TLL1: variants seen among roughly 807,000 people sequenced by gnomAD.
The protein encoded by TLL1 is tolloid like 1.
In TLL1, 49 loss-of-function variants were observed where a neutral mutation model predicts 128.2. The observed-to-expected ratio is 0.38, with a 90% CI of 0.30 to 0.48. The LOEUF (loss-of-function observed/expected upper bound fraction) is 0.48, where lower values mean the gene tolerates loss of function less well. Ranked by LOEUF, TLL1 falls within the 20% of genes least tolerant of loss-of-function variation. The pLI is 0.96. For synonymous variants in TLL1, 454 were observed against 418.8 expected (o/e 1.08, Z -1.03); for missense variants, 1,123 against 1,242.0 (o/e 0.90, Z 1.44).
intron 1 of TLL1, among the ~76,000 whole-genome samples, chr4:165,963,460 C>A (rs1476998023): frequency 6.6e-6 from 1 of 151,740 alleles, no homozygotes; most frequent in Non-Finnish European, 1.5e-5. Context: ...ATTTTCAGTA[C>A]TTTATGCTTT....
At chr4:165,942,642 T>C (rs1425755038) in intron 1 of TLL1, among the ~76,000 whole-genome samples, 1 of 149,686 alleles carries the variant, frequency 6.7e-6, no homozygotes, top group Non-Finnish European at 1.5e-5. Flanking sequence ...ATATATTAAT[T>C]ATAAGCTGTG....
At chr4:166,063,126 A>G (rs1481721684) in intron 15 of TLL1, among the ~76,000 whole-genome samples, 1 of 151,970 alleles carries the variant, frequency 6.6e-6, no homozygotes, top group African/African-American at 2.4e-5. Context: ...TCTACAAAGA[A>G]CTTAAACAAA....
chr4:165,924,264 A>T (rs1733173237), intron 1 of TLL1, among the ~76,000 whole-genome samples: 1 of 152,208 alleles, frequency 6.6e-6, no homozygotes, highest in African/African-American at 2.4e-5. Context: ...GCCAAGAGCG[A>T]GGCTTCTTGG....
chr4:166,056,589 T>C (rs977382629), intron 13 of TLL1, among the ~76,000 whole-genome samples: 1 of 152,186 alleles, frequency 6.6e-6, no homozygotes, highest in Admixed American at 6.5e-5. Flanking sequence ...TATTTCTTAA[T>C]AATGATATTT....
rs950507238 is a variant in TLL1, at chr4:165,995,186, G to C, written c.632+8G>C. 4 of 1,579,262 alleles carry C rather than the reference G, an allele frequency of 2.5e-6. No individual in the cohort carries two copies. The African/African-American group carries it at 5.4e-5, about 21-fold the overall frequency. Reference sequence around the variant, plus strand: ...CACCTATAGGCCTTGTGGGTAAGTAGAACTAGGTAGGGACTGACTTAAGGA... The same window carrying C: ...CACCTATAGGCCTTGTGGGTAAGTACAACTAGGTAGGGACTGACTTAAGGA... On this transcript the variant is annotated splice_region_variant and intron_variant, in intron 5 of 20. Transcript: ENST00000061240.
chr4:166,020,859 T>C (rs1191793504), intron 8 of TLL1, among the ~76,000 whole-genome samples: 2 of 152,242 alleles, frequency 1.3e-5, no homozygotes, highest in Non-Finnish European at 2.9e-5. Context: ...GAATCTCTAT[T>C]GTTATGTAAA....
Position 165,925,069 on chromosome 4 carries a change from C to T in TLL1, c.169+50996C>T, listed in dbSNP as rs1561031958. Reference sequence around the variant, plus strand: ...CAATGTAGCTTGTCACTCAAGAGTTCCAAAAGAAATGTCCATGGAGATTAA... The same window carrying T: ...CAATGTAGCTTGTCACTCAAGAGTTTCAAAAGAAATGTCCATGGAGATTAA... On this transcript the variant is annotated intron_variant, in intron 1 of 20. Transcript: ENST00000061240. Among the ~76,000 whole-genome samples, 10 of 152,258 alleles carry T rather than the reference C, an allele frequency of 6.6e-5. 1 individual carries two copies. The South Asian group carries it at 1.9e-3, about 28-fold the overall frequency.
At chr4:166,073,364 G>A (rs375342753) in intron 16 of TLL1, among the ~76,000 whole-genome samples, 33 of 152,180 alleles carry the variant, frequency 2.2e-4, no homozygotes, top group African/African-American at 7.7e-4. Flanking sequence ...AATGGAATAG[G>A]AGTTCAAAAT....
chr4:165,916,063 G>A (rs534150696), intron 1 of TLL1, among the ~76,000 whole-genome samples: 25 of 152,310 alleles, frequency 1.6e-4, no homozygotes, highest in African/African-American at 5.5e-4. Context: ...GAAAGGCAGA[G>A]TGGTTTAATT....
intron 1 of TLL1, among the ~76,000 whole-genome samples, chr4:165,878,885 T>G (rs1488636968): frequency 6.7e-6 from 1 of 148,952 alleles, no homozygotes; most frequent in Admixed American, 6.8e-5. Context: ...TTAACATAAT[T>G]CCACAGCTTT....
At chr4:166,038,695 A>T (rs1030430996) in intron 9 of TLL1, among the ~76,000 whole-genome samples, 1 of 152,206 alleles carries the variant, frequency 6.6e-6, no homozygotes, top group African/African-American at 2.4e-5. Flanking sequence ...AACAAAGCAC[A>T]GAATAAGGGT....
chr4:165,883,756 A>G (rs961790804), intron 1 of TLL1, among the ~76,000 whole-genome samples: 1 of 152,204 alleles, frequency 6.6e-6, no homozygotes, highest in African/African-American at 2.4e-5. Context: ...TTCATATCTC[A>G]AGTCCTCTGA....
chr4:166,074,199 A>T (rs754293783), intron 16 of TLL1, among the ~76,000 whole-genome samples: 8 of 151,976 alleles, frequency 5.3e-5, no homozygotes, highest in Non-Finnish European at 8.8e-5. Flanking sequence ...CTTTTAGGGG[A>T]TGACTTATTA....
At chr4:165,882,039 A>G (rs919358832) in intron 1 of TLL1, among the ~76,000 whole-genome samples, 6 of 152,188 alleles carry the variant, frequency 3.9e-5, no homozygotes, top group African/African-American at 1.2e-4. Context: ...AGTGTACACT[A>G]TGTATGTAAA....
At position 165,992,887 on chromosome 4, in the gene TLL1, A is replaced by G; in HGVS notation, c.361+3A>G. 6.2e-7 allele frequency: 1 copy of G among 1,612,370 alleles called. No homozygotes were observed. Among genetic ancestry groups the G allele is most frequent in the Non-Finnish European group, 8.5e-7 (1 of 1,178,678 alleles). On this transcript the variant is annotated splice_donor_region_variant and intron_variant, in intron 3 of 20. Transcript: ENST00000061240. ...CAGGATAAGAAGAATTGGCTTTGGT[A>G]TATCAATGTTTAAAGTTGCAGACGC... is the stretch of plus-strand genomic sequence containing the variant.
chr4:166,037,544 C>T (rs747597221), intron 9 of TLL1, among the ~76,000 whole-genome samples: 20 of 152,184 alleles, frequency 1.3e-4, no homozygotes, highest in Non-Finnish European at 2.5e-4. Flanking sequence ...CACGGTGGCT[C>T]ATGCCTGCAA....
chr4:166,027,822 A>G (rs1466614457), intron 9 of TLL1, among the ~76,000 whole-genome samples: 1 of 152,150 alleles, frequency 6.6e-6, no homozygotes, highest in African/African-American at 2.4e-5. Flanking sequence ...AATATCTGGG[A>G]AAAACATTTC....
intron 13 of TLL1, among the ~76,000 whole-genome samples, chr4:166,056,075 C>T (rs111565696): frequency 0.015 from 2,245 of 151,996 alleles, 69 homozygotes; most frequent in African/African-American, 0.051. Context: ...AATGGATTTT[C>T]CCTGGAAGCT....
At chr4:166,030,122 T>C (rs1738693088) in intron 9 of TLL1, among the ~76,000 whole-genome samples, 1 of 152,084 alleles carries the variant, frequency 6.6e-6, no homozygotes, top group South Asian at 2.1e-4. Context: ...TGCAAAAGGG[T>C]TCCAATTTCT....
Sources: gnomAD v4.1 joint callset for allele counts (sites outside exome capture counted in the v4.1 genomes callset) on GRCh38, gnomAD v4.1.1 for gene constraint, MANE v1.5 for transcripts, NCBI Gene and HGNC (gene_info 2026-07-23, HGNC 2026-07-21) for gene names.